The following GARS1 variants were observed in gnomAD, a reference collection of about 807,000 sequenced individuals.
GARS1 encodes glycyl-tRNA synthetase 1, also known as glycine--tRNA ligase.
In GARS1, 46 loss-of-function variants were observed where a neutral mutation model predicts 86.4. That is an observed-to-expected ratio of 0.53 (90% CI 0.42 to 0.68). The LOEUF (loss-of-function observed/expected upper bound fraction) is 0.68. Ranked by LOEUF, GARS1 falls within the 30% of genes least tolerant of loss-of-function variation. GARS1 has a pLI of 0.00. For synonymous variants in GARS1, 342 were observed against 329.8 expected (o/e 1.04, Z -0.40); for missense variants, 797 against 915.6 (o/e 0.87, Z 1.67).
intron 14 of GARS1, among the ~76,000 whole-genome samples, chr7:30,629,846 A>T (rs1401597032): frequency 6.6e-6 from 1 of 152,222 alleles, no homozygotes; most frequent in Non-Finnish European, 1.5e-5. Context: ...ACATAACTGC[A>T]TGTGTTCTTT....
At chr7:30,602,591 T>A (rs1345517366) in intron 4 of GARS1, among the ~76,000 whole-genome samples, 1 of 152,234 alleles carries the variant, frequency 6.6e-6, no homozygotes, top group Non-Finnish European at 1.5e-5. Context: ...ATAATACCAA[T>A]GTCAGTACAG....
chr7:30,620,897 G>C (rs1782990433), intron 10 of GARS1, among the ~76,000 whole-genome samples: 1 of 152,090 alleles, frequency 6.6e-6, no homozygotes, highest in South Asian at 2.1e-4. Flanking sequence ...TCACAAATTT[G>C]AACCAAATTT....
chr7:30,609,925 G>A (rs1307165744), intron 7 of GARS1, among the ~76,000 whole-genome samples, 195 bp downstream of exon 7: 2 of 151,948 alleles, frequency 1.3e-5, no homozygotes, highest in Non-Finnish European at 2.9e-5. Flanking sequence ...TTTCTTTTTT[G>A]GCATATATGT....
intron 10 of GARS1, among the ~76,000 whole-genome samples, chr7:30,618,796 T>C (rs187419640): frequency 8.1e-4 from 123 of 152,364 alleles, no homozygotes; most frequent in African/African-American, 2.8e-3. Context: ...TAATATATTC[T>C]TTTTCCCTTG....
At chr7:30,627,172 G>T in intron 13 of GARS1, 1 of 413,710 alleles carries the variant, frequency 2.4e-6, no homozygotes, top group Non-Finnish European at 4.9e-6. Flanking sequence ...TGTTTGAGAA[G>T]CTACTGCCAG....
At chr7:30,606,579 T>C (rs1259085800) in intron 6 of GARS1, among the ~76,000 whole-genome samples, 1 of 152,210 alleles carries the variant, frequency 6.6e-6, no homozygotes, top group Admixed American at 6.5e-5. Context: ...AGTTATCTTA[T>C]TGGTGGTTAA....
At chr7:30,602,283 G>T (rs1299812215) in intron 4 of GARS1, among the ~76,000 whole-genome samples, 1 of 147,714 alleles carries the variant, frequency 6.8e-6, no homozygotes, top group South Asian at 2.2e-4. Context: ...TAGAGACGGG[G>T]TTTCACCATG....
At chr7:30,597,890 T>C (rs1472957392) in intron 1 of GARS1, among the ~76,000 whole-genome samples, 1 of 152,194 alleles carries the variant, frequency 6.6e-6, no homozygotes, top group East Asian at 1.9e-4. Context: ...TTTCATCCTA[T>C]ATAGGTAATA....
chr7:30,612,254 C>T lies in GARS1; in HGVS notation c.1031+9C>T. 6.2e-7 allele frequency: 1 copy of T among 1,613,258 alleles called. No homozygotes were observed. Among genetic ancestry groups the T allele is most frequent in the South Asian group, 1.1e-5 (1 of 91,014 alleles). On this transcript the variant is annotated intron_variant, in intron 8 of 16. Coordinates refer to ENST00000389266, the MANE Select transcript of GARS1 (RefSeq NM_002047.4). ...GGACTGATCAGAGTCAGGTACTGCT[C>T]AGGTTACTCTTACAAATTAGTGAAT... is the stretch of plus-strand genomic sequence containing the variant.
At chr7:30,612,368 C>T (rs932563673) in intron 8 of GARS1, 123 bp downstream of exon 8, 41 of 980,338 alleles carry the variant, frequency 4.2e-5, no homozygotes, top group Admixed American at 6.0e-5. Context: ...TTTGTTTTCT[C>T]CAAAAATCAT....
At position 30,612,161 on chromosome 7, in the gene GARS1, A is replaced by C; in HGVS notation, c.947A>C (p.Gln316Pro). The change falls in exon 8 of 17, where the codon CAA becomes CCA. Residue 316 changes from glutamine (Q) to proline (P), a missense_variant. Physicochemically the swap from Gln to Pro is moderately conservative, Grantham distance 76. Around this residue, in one of 2 missense-constraint regions of GARS1, gnomAD observed 598 missense variants for 738.7 expected, o/e 0.81. Transcript: ENST00000389266. ...LNFKRLLEFN[Q>P]GKLPFAAAQI... ...TTCAAACGACTTTTGGAGTTCAACC[A>C]AGGAAAGTTGCCTTTTGCTGCTGCC... is the stretch of plus-strand genomic sequence containing the variant. 6.2e-7 allele frequency: 1 copy of C among 1,614,102 alleles called. No individual in the cohort carries two copies. Among genetic ancestry groups the C allele is most frequent in the Non-Finnish European group, 8.5e-7 (1 of 1,179,960 alleles).
chr7:30,632,008 C>T lies in GARS1; in HGVS notation c.1904-239C>T. The T allele has an allele frequency of 3.9e-6, 2 of 515,424 alleles. No homozygotes were observed. The highest frequency in any genetic ancestry group is 3.6e-5 in the East Asian group (1 of 27,532). The allele number at this position is 515,424 out of a possible 1,614,324, so 31.9% of individuals were successfully genotyped here. On this transcript the variant is annotated intron_variant, in intron 15 of 16. Transcript: ENST00000389266. The surrounding 1 kb of genome is among the most constrained non-coding windows in gnomAD (Gnocchi z 4.1). ...GTCAGGACTCACCTTCTGGCCTTGG[C>T]TCTTGGTCCCATATTTGTTCCCCCT...
In GARS1 at chr7:30,631,473, C is replaced by T. The variant is rs1460495483; in HGVS notation, c.1835C>T (p.Ala612Val). The T allele has an allele frequency of 1.2e-6, 2 of 1,613,386 alleles. No homozygotes were observed. The highest frequency in any genetic ancestry group is 2.7e-5 in the African/African-American group (2 of 74,874). ...RTFFSFPAVV[A>V]PFKCSVLPLS... ...TTCTTCAGTTTCCCTGCTGTAGTTG[C>T]TCCATTCAAATGTTCCGTCCTCCCA... Residue 612 changes from alanine (A) to valine (V), a missense_variant, in exon 15 of 17, where the codon GCT (alanine) becomes GTT (valine). Around this residue, in one of 2 missense-constraint regions of GARS1, gnomAD observed 598 missense variants for 738.7 expected, o/e 0.81. Transcript: ENST00000389266.
chr7:30,598,998 A>G (rs1241085278), intron 2 of GARS1, 101 bp downstream of exon 2: 3 of 905,658 alleles, frequency 3.3e-6, no homozygotes, highest in Non-Finnish European at 5.4e-6. Context: ...CTGAACAAGT[A>G]TCATTTGGTT....
intron 10 of GARS1, among the ~76,000 whole-genome samples, chr7:30,619,262 G>T (rs1393718590): frequency 6.6e-6 from 1 of 152,146 alleles, no homozygotes. Flanking sequence ...GAGGGTTAGG[G>T]ATCAGAAAAT....
At chr7:30,630,522 T>C (rs1206385587) in intron 14 of GARS1, among the ~76,000 whole-genome samples, 1 of 146,658 alleles carries the variant, frequency 6.8e-6, no homozygotes, top group Non-Finnish European at 1.5e-5. Flanking sequence ...TTCGCCTTTT[T>C]TTTTTTTTTT....
intron 8 of GARS1, among the ~76,000 whole-genome samples, chr7:30,613,321 G>A (rs1170544223): frequency 6.6e-6 from 1 of 152,220 alleles, no homozygotes; most frequent in Admixed American, 6.5e-5. Flanking sequence ...GTAAAAAGAG[G>A]AGGTCATCAG....
intron 7 of GARS1, 62 bp downstream of exon 7, chr7:30,609,792 A>T: frequency 1.3e-6 from 2 of 1,529,916 alleles, no homozygotes; most frequent in Non-Finnish European, 1.8e-6. Context: ...CTTATATTAA[A>T]AGGTAAATAT....
intron 12 of GARS1, among the ~76,000 whole-genome samples, chr7:30,624,608 A>C (rs369158414): frequency 7.9e-5 from 12 of 152,306 alleles, no homozygotes; most frequent in African/African-American, 2.9e-4. Context: ...TAGAGCAATC[A>C]CCTGGAAAAA....
Sources: allele counts gnomAD v4.1 joint callset (sites outside exome capture counted in the v4.1 genomes callset), GRCh38; gene constraint gnomAD v4.1.1; regional missense constraint gnomAD v4.1.1; non-coding constraint Gnocchi (gnomAD v3.1); transcripts MANE v1.5; gene names NCBI Gene and HGNC (gene_info 2026-07-23, HGNC 2026-07-21).